ACOT9: variants seen among roughly 807,000 people sequenced by gnomAD.
The protein encoded by ACOT9 is acyl-CoA thioesterase 9, also known as acyl-coenzyme A thioesterase 9, mitochondrial.
A neutral mutation model predicts 39.7 loss-of-function variants in ACOT9; 34 were observed. The observed-to-expected ratio is 0.86, with a 90% CI of 0.65 to 1.14. ACOT9 has a LOEUF of 1.14. Ranked by LOEUF, ACOT9 falls within the 50% of genes most tolerant of loss-of-function variation. The pLI, the probability that ACOT9 is intolerant of heterozygous loss-of-function variation, is 0.00. For synonymous variants in ACOT9, 110 were observed against 120.5 expected, an observed-to-expected ratio of 0.91 and a Z score of 0.57; for missense variants, 313 against 344.1, an observed-to-expected ratio of 0.91 and a Z score of 0.71.
intron 7 of ACOT9, 71 bp from the exon 8 acceptor site, chrX:23,722,055 GA>G: frequency 1.5e-6 from 1 of 671,983 alleles, no homozygotes; most frequent in East Asian, 3.7e-5. Flanking sequence ...TGAACAATTA[GA>G]AATTATGGCA....
intron 6 of ACOT9, 97 bp downstream of exon 6, chrX:23,730,430 A>T: frequency 2.9e-6 from 2 of 686,822 alleles, no homozygotes; most frequent in Non-Finnish European, 2.3e-6. Flanking sequence ...GAATATCATC[A>T]TCTGTGCAGG....
chrX:23,741,864 G>A (rs928519225), intron 1 of ACOT9, among the ~76,000 whole-genome samples: 1 of 110,467 alleles, frequency 9.1e-6, no homozygotes, highest in Non-Finnish European at 1.9e-5. Flanking sequence ...TAATAGAGAC[G>A]GGGTTTCACC....
Position 23,721,913 on chromosome X carries a change from T to C in ACOT9, c.556A>G (p.Thr186Ala). 2 of 1,211,182 alleles carry C rather than the reference T, an allele frequency of 1.7e-6. No individual in the cohort carries two copies. The highest frequency in any genetic ancestry group is 1.8e-5 in the South Asian group (1 of 56,921). The change falls in exon 8 of 16, where the codon ACA becomes GCA. Residue 186 changes from threonine to alanine, a missense_variant. Coordinates refer to ENST00000379303, the MANE Select transcript of ACOT9 (RefSeq NM_001037171.2). ...FSGHVSWVGK[T>A]SMEVKMQMFQ... Reference sequence around the variant, plus strand: ...ATTTGCATCTTCACTTCCATGGATGTCTTCCCGACCCAGCTAACATGGCCA... The same window carrying C: ...ATTTGCATCTTCACTTCCATGGATGCCTTCCCGACCCAGCTAACATGGCCA...
At chrX:23,713,619 G>A (rs1928980639) in intron 8 of ACOT9, among the ~76,000 whole-genome samples, 1 of 108,278 alleles carries the variant, frequency 9.2e-6, no homozygotes, top group Admixed American at 1.0e-4. Flanking sequence ...AAGAAGAGAA[G>A]CACTCTCATT....
intron 6 of ACOT9, 53 bp from the exon 7 acceptor site, chrX:23,722,806 A>G: frequency 2.3e-6 from 2 of 867,328 alleles, no homozygotes; most frequent in Middle Eastern, 2.8e-4. Context: ...TTATTTCCCA[A>G]CATTTAAAAT....
chrX:23,708,825 G>A (rs1256051935), intron 9 of ACOT9, among the ~76,000 whole-genome samples: 1 of 111,800 alleles, frequency 8.9e-6, no homozygotes, highest in East Asian at 2.8e-4. Context: ...TGGTTCTTAG[G>A]AAATACATGC....
chrX:23,713,236 A>G (rs766205979), intron 8 of ACOT9, 28 bp from the exon 9 acceptor site: 98 of 1,118,955 alleles, frequency 8.8e-5, no homozygotes, highest in Non-Finnish European at 1.2e-4. Flanking sequence ...GAAAATGTAC[A>G]TATGAGAAAT....
In ACOT9 at chrX:23,734,876, A is replaced by G. The variant is rs1279194184; in HGVS notation, c.119-509T>C. Among the ~76,000 whole-genome samples the G allele has an allele frequency of 3.8e-5, 4 of 105,571 alleles. No homozygotes were observed. The Admixed American group carries it at 4.2e-4, about 11-fold the overall frequency. 91.7% of individuals were successfully genotyped at this position (105,571 alleles called of 115,157 possible). On this transcript the variant is annotated intron_variant, in intron 2 of 15. Transcript: ENST00000379303. ...TGGGCACCTGTAATCCCAGCTACTC[A>G]GGAGGCTGAGGCAGAGAATCACTTG... is the stretch of plus-strand genomic sequence containing the variant.
At position 23,703,607 on chromosome X, in the gene ACOT9, C is replaced by T. The variant is rs1196203721; in HGVS notation, c.*287G>A. The T allele has an allele frequency of 1.4e-5, 3 of 210,040 alleles. No homozygotes were observed. The highest frequency in any genetic ancestry group is 2.6e-5 in the Non-Finnish European group (3 of 115,610). 17.3% of individuals were successfully genotyped at this position (210,040 alleles called of 1,213,427 possible). On this transcript the variant is annotated 3_prime_UTR_variant, in exon 16 of 16. Coordinates refer to ENST00000379303, the MANE Select transcript of ACOT9 (RefSeq NM_001037171.2). ...TGCTGGGATTATAGGCATGAGCCACCACGCCCAGCCTCTCAATTTTTTTGT... is the reference window on the plus strand; with the variant it reads ...TGCTGGGATTATAGGCATGAGCCACTACGCCCAGCCTCTCAATTTTTTTGT...
chrX:23,728,941 GA>G (rs1463293683), intron 6 of ACOT9, among the ~76,000 whole-genome samples: 2 of 110,766 alleles, frequency 1.8e-5, no homozygotes, highest in African/African-American at 6.6e-5. Context: ...ACACTCCTGG[GA>G]TCATGTGAAC....
intron 9 of ACOT9, among the ~76,000 whole-genome samples, chrX:23,710,755 G>A (rs1003728260): frequency 5.4e-5 from 6 of 111,120 alleles, no homozygotes; most frequent in Non-Finnish European, 1.1e-4. Flanking sequence ...ACTTGAACCA[G>A]GAGGTGGAGG....
chrX:23,715,047 T>C (rs1387651768), intron 8 of ACOT9, among the ~76,000 whole-genome samples: 1 of 111,519 alleles, frequency 9.0e-6, no homozygotes, highest in Non-Finnish European at 1.9e-5. Flanking sequence ...GCCTCATCAC[T>C]ACTGCCCTCC....
intron 8 of ACOT9, 143 bp from the exon 9 acceptor site, chrX:23,713,351 G>A (rs1211570452): frequency 1.1e-5 from 5 of 456,902 alleles, no homozygotes; most frequent in Non-Finnish European, 1.5e-5. Context: ...GCCAAGGTGG[G>A]AGGATCACTT....
intron 1 of ACOT9, 56 bp downstream of exon 1, chrX:23,743,069 G>T: frequency 9.0e-7 from 1 of 1,115,587 alleles, no homozygotes; most frequent in Non-Finnish European, 1.2e-6. Context: ...TCTAGGGGAA[G>T]ACGATGGCAC....
At position 23,701,173 on chromosome X, in the gene ACOT9, T is replaced by C. The variant is rs569544328; in HGVS notation, c.*2721A>G. On this transcript the variant is annotated 3_prime_UTR_variant, in exon 16 of 16. Transcript: ENST00000379303. ...AATATATAATGTATAATCTATACAA[T>C]AGCATGCAGTAGGTCTCTTAACTCC... Among the ~76,000 whole-genome samples, 1 of 111,834 alleles carries C rather than the reference T, an allele frequency of 8.9e-6. No homozygotes were observed. Among genetic ancestry groups the C allele is most frequent in the Non-Finnish European group, 1.9e-5 (1 of 53,213 alleles).
rs764406046 is a variant in ACOT9, at chrX:23,702,250, A to ATTTTTT, written c.*1638_*1643dup. 1.4e-5 allele frequency: 1 copy of ATTTTTT among 73,363 alleles called. No individual in the cohort carries two copies. Among genetic ancestry groups the ATTTTTT allele is most frequent in the Non-Finnish European group, 2.6e-5 (1 of 38,579 alleles). The allele number at this position is 73,363 out of a possible 1,213,427, so 6.0% of individuals were successfully genotyped here. On this transcript the variant is annotated 3_prime_UTR_variant, in exon 16 of 16. Transcript: ENST00000379303. ...AAAAAAGGAACGGTCTTGGCTACAG[A>ATTTTTT]TTTTTTTTTTTTTTTTTTTTTGAGA...
At chrX:23,713,736 A>G (rs1479293586) in intron 8 of ACOT9, among the ~76,000 whole-genome samples, 9 of 109,934 alleles carry the variant, frequency 8.2e-5, no homozygotes, top group Non-Finnish European at 1.3e-4. Flanking sequence ...AAAATACCTC[A>G]AAGTCCAATC....
At chrX:23,732,881 C>T (rs1227105892) in intron 4 of ACOT9, among the ~76,000 whole-genome samples, 4 of 111,892 alleles carry the variant, frequency 3.6e-5, no homozygotes, top group Admixed American at 2.9e-4. Context: ...GGAACAGGAA[C>T]ATATGTCGTA....
Position 23,704,915 on chromosome X carries a change from C to T in ACOT9, c.1108-71G>A, listed in dbSNP as rs17285958. ...GGAAAAAGGCAGTCATAAGAGAAAA[C>T]AGTGGCTTTTTGATATAGAAACTTC... On this transcript the variant is annotated intron_variant, in intron 14 of 15. Coordinates refer to ENST00000379303, the MANE Select transcript of ACOT9 (RefSeq NM_001037171.2). 1.0e-3 allele frequency: 1,190 copies of T among 1,174,009 alleles called. 4 individuals carry two copies. In the African/African-American group the frequency reaches 0.017, roughly 17 times the overall value.
Sources: gnomAD v4.1 joint callset for allele counts (sites outside exome capture counted in the v4.1 genomes callset) on GRCh38, gnomAD v4.1.1 for gene constraint, MANE v1.5 for transcripts, NCBI Gene and HGNC (gene_info 2026-07-23, HGNC 2026-07-21) for gene names.